Variants in CALN1 observed in about 807,000 individuals in gnomAD.
CALN1 encodes calcium-binding protein 8.
CALN1 carries 17 observed loss-of-function variants against 30.6 expected under a neutral mutation model. That is an observed-to-expected ratio of 0.56 (90% CI 0.38 to 0.83). The LOEUF (loss-of-function observed/expected upper bound fraction) is 0.83, where lower values mean the gene tolerates loss of function less well. CALN1 is among the 40% of genes least tolerant of loss of function. CALN1 has a pLI of 0.00. For synonymous variants in CALN1, 156 were observed against 131.4 expected (o/e 1.19, Z -1.28); for missense variants, 291 against 354.9 (o/e 0.82, Z 1.45).
At chr7:72,161,871 G>A (rs1377323963) in intron 3 of CALN1, among the ~76,000 whole-genome samples, 2 of 151,852 alleles carry the variant, frequency 1.3e-5, no homozygotes, top group Non-Finnish European at 2.9e-5. Context: ...GCTCACCTAC[G>A]TAACAAACCT....
At chr7:72,230,698 A>C (rs1794035217) in intron 3 of CALN1, among the ~76,000 whole-genome samples, 1 of 152,148 alleles carries the variant, frequency 6.6e-6, no homozygotes, top group African/African-American at 2.4e-5. Context: ...AGCCCTGATA[A>C]TATCCCTATT....
At chr7:71,965,892 T>C (rs1006929301) in intron 5 of CALN1, among the ~76,000 whole-genome samples, 10 of 151,500 alleles carry the variant, frequency 6.6e-5, no homozygotes, top group South Asian at 6.2e-4. Context: ...CTTGGTCTTC[T>C]TCCTGTAGAA....
chr7:72,073,783 T>TTCTGGAC (rs1464746627), intron 4 of CALN1, among the ~76,000 whole-genome samples: 1 of 151,964 alleles, frequency 6.6e-6, no homozygotes, highest in Non-Finnish European at 1.5e-5. Context: ...AGTTTCAACT[T>TTCTGGAC]TCTGGACTCA....
At chr7:72,491,550 C>T in the CALN1 span, among the ~76,000 whole-genome samples, 1 of 152,192 alleles carries the variant, frequency 6.6e-6, no homozygotes, top group Non-Finnish European at 1.5e-5. Flanking sequence ...GCCTGGGCAA[C>T]ATGGTAAGAC....
At chr7:72,169,620 C>A (rs1788795165) in intron 3 of CALN1, among the ~76,000 whole-genome samples, 1 of 151,904 alleles carries the variant, frequency 6.6e-6, no homozygotes, top group Non-Finnish European at 1.5e-5. Context: ...ACCACGCAGC[C>A]TTGCTTCTTG....
At chr7:71,968,383 G>A (rs1797629455) in intron 5 of CALN1, among the ~76,000 whole-genome samples, 1 of 152,172 alleles carries the variant, frequency 6.6e-6, no homozygotes, top group Non-Finnish European at 1.5e-5. Context: ...GCTGGGACTA[G>A]GGCTACTGAC....
intron 3 of CALN1, among the ~76,000 whole-genome samples, chr7:72,168,672 C>T (rs551905260): frequency 6.6e-5 from 10 of 152,140 alleles, no homozygotes; most frequent in Non-Finnish European, 8.8e-5. Context: ...AGTCTATTAT[C>T]ATAATTTTAT....
intron 2 of CALN1, among the ~76,000 whole-genome samples, chr7:72,279,093 T>C (rs1797558044): frequency 1.3e-5 from 2 of 152,148 alleles, no homozygotes; most frequent in Admixed American, 1.3e-4. Flanking sequence ...GCACACCACA[T>C]CACCATCGAA....
At chr7:71,989,131 T>A (rs1427667851) in intron 5 of CALN1, among the ~76,000 whole-genome samples, 1 of 152,188 alleles carries the variant, frequency 6.6e-6, no homozygotes, top group African/African-American at 2.4e-5. Flanking sequence ...TAGTGCCAAC[T>A]GTGAACTATA....
chr7:72,257,295 G>A (rs1432131045), intron 3 of CALN1, among the ~76,000 whole-genome samples: 1 of 152,142 alleles, frequency 6.6e-6, no homozygotes, highest in Non-Finnish European at 1.5e-5. Flanking sequence ...AATTGTTGAT[G>A]AGGTTTGGGT....
At chr7:72,498,112 GATAA>G in the CALN1 span, among the ~76,000 whole-genome samples, 3 of 152,046 alleles carry the variant, frequency 2.0e-5, no homozygotes, top group African/African-American at 7.2e-5. Context: ...TTTAAAGACA[GATAA>G]ATAGATAAAT....
intron 4 of CALN1, among the ~76,000 whole-genome samples, chr7:72,040,367 C>T (rs367905756): frequency 3.3e-5 from 5 of 151,978 alleles, no homozygotes; most frequent in Admixed American, 6.6e-5. Context: ...TGCTTTTAGT[C>T]CCAGCTACTC....
chr7:71,787,944 T>A (rs564885415), intron 6 of CALN1, 42 bp from the exon 7 acceptor site: 10 of 1,612,774 alleles, frequency 6.2e-6, no homozygotes, highest in Non-Finnish European at 8.5e-6. Context: ...GGAAGAGGGG[T>A]TGGGAGAAGA....
At chr7:72,185,111 T>C (rs971573001) in intron 3 of CALN1, among the ~76,000 whole-genome samples, 1 of 152,082 alleles carries the variant, frequency 6.6e-6, no homozygotes, top group Non-Finnish European at 1.5e-5. Context: ...AGCTTAGGCA[T>C]CTCTGTTGAA....
the CALN1 span, among the ~76,000 whole-genome samples, chr7:72,475,716 G>A: frequency 2.4e-4 from 37 of 152,128 alleles, no homozygotes; most frequent in Non-Finnish European, 5.1e-4. Context: ...TGGCTCCAAA[G>A]AAGGAATATT....
At chr7:72,448,755 A>ACCAC (rs892294030), upstream of CALN1, among the ~76,000 whole-genome samples, 18 of 151,920 alleles carry the variant, frequency 1.2e-4, no homozygotes, top group African/African-American at 4.1e-4. Context: ...ACAGATGTGC[A>ACCAC]CCACCATGCC....
intron 3 of CALN1, among the ~76,000 whole-genome samples, chr7:72,142,771 A>G (rs1194179769): frequency 3.3e-5 from 5 of 152,120 alleles, no homozygotes; most frequent in African/African-American, 9.7e-5. Context: ...CCCCTCTGAG[A>G]TGAAACTTCC....
chr7:72,032,130 C>T (rs184901846), intron 4 of CALN1, among the ~76,000 whole-genome samples: 274 of 145,824 alleles, frequency 1.9e-3, no homozygotes, highest in African/African-American at 6.3e-3. Context: ...ACGATCTCAG[C>T]TCACTGCAAG....
intron 5 of CALN1, among the ~76,000 whole-genome samples, chr7:71,834,664 A>T (rs966101458): frequency 6.6e-6 from 1 of 152,192 alleles, no homozygotes; most frequent in Non-Finnish European, 1.5e-5. Flanking sequence ...GGGAAGCCCT[A>T]TGCAATTTGG....
Sources: allele counts gnomAD v4.1 joint callset (sites outside exome capture counted in the v4.1 genomes callset), GRCh38; gene constraint gnomAD v4.1.1; transcripts MANE v1.5; gene names NCBI Gene and HGNC (gene_info 2026-07-23, HGNC 2026-07-21).